PLXNA2: variants seen among roughly 807,000 people sequenced by gnomAD.
PLXNA2 encodes the protein plexin A2, also known as plexin-A2.
A neutral mutation model predicts 193.5 loss-of-function variants in PLXNA2; 91 were observed. That is an observed-to-expected ratio of 0.47 (90% CI 0.40 to 0.56). PLXNA2 has a LOEUF of 0.56. PLXNA2 is among the 20% of genes least tolerant of loss of function. The probability of loss-of-function intolerance (pLI) is 0.00; values close to 1 mark genes in which losing one functional copy is unlikely to be tolerated. For synonymous variants in PLXNA2, 997 were observed against 1,027.3 expected (o/e 0.97, Z 0.56); for missense variants, 1,995 against 2,503.2 (o/e 0.80, Z 4.33).
intron 3 of PLXNA2, chr1:208,209,983 A>AATTTTTTTTTTTTTT (rs34413554): frequency 0.032 from 2,812 of 87,404 alleles, 775 homozygotes; most frequent in South Asian, 0.038. Context: ...ATGAAGAGCA[A>AATTTTTTTTTTTTTT]TTTTTTTTTT....
intron 12 of PLXNA2, among the ~76,000 whole-genome samples, chr1:208,070,769 A>C (rs74152190): frequency 6.6e-6 from 1 of 152,240 alleles, no homozygotes; most frequent in Non-Finnish European, 1.5e-5. Flanking sequence ...CTTCTATTTC[A>C]TAACAGTTGC....
At chr1:208,059,915 G>A (rs969922419) in intron 13 of PLXNA2, among the ~76,000 whole-genome samples, 5 of 152,284 alleles carry the variant, frequency 3.3e-5, no homozygotes, top group Middle Eastern at 3.4e-3. Context: ...ATAAGGGAAG[G>A]AAGTCCCTGC....
At chr1:208,051,143 C>G in intron 16 of PLXNA2, 41 bp from the exon 17 acceptor site, 1 of 1,600,108 alleles carries the variant, frequency 6.2e-7, no homozygotes, top group East Asian at 2.2e-5. Flanking sequence ...AAAACCCCCT[C>G]AAATCTGGCA....
chr1:208,227,430 C>T (rs1671548064), intron 1 of PLXNA2, among the ~76,000 whole-genome samples: 1 of 152,058 alleles, frequency 6.6e-6, no homozygotes, highest in Non-Finnish European at 1.5e-5. Flanking sequence ...GCTAAGAAGC[C>T]AAGATTCTCG....
chr1:208,214,468 C>G (rs73079950), intron 2 of PLXNA2, among the ~76,000 whole-genome samples: 2,123 of 152,296 alleles, frequency 0.014, 54 homozygotes, highest in African/African-American at 0.049. Context: ...GCCTTAACCA[C>G]GACTCTTCTA....
chr1:208,033,560 C>A (rs1429180948), intron 27 of PLXNA2, 51 bp from the exon 28 acceptor site: 1 of 1,452,502 alleles, frequency 6.9e-7, no homozygotes, highest in East Asian at 2.4e-5. Flanking sequence ...ACCAGCCTTG[C>A]TTGTAGAATC....
At chr1:208,209,983 A>ATT (rs1553297870) in intron 3 of PLXNA2, 62 of 87,966 alleles carry the variant, frequency 7.0e-4, no homozygotes, top group African/African-American at 2.9e-3. Flanking sequence ...ATGAAGAGCA[A>ATT]TTTTTTTTTT....
At chr1:208,155,444 A>G (rs1159609897) in intron 3 of PLXNA2, among the ~76,000 whole-genome samples, 1 of 152,142 alleles carries the variant, frequency 6.6e-6, no homozygotes, top group African/African-American at 2.4e-5. Flanking sequence ...GTAAAGTACT[A>G]AAGCATCCCT....
chr1:208,242,757 G>C (rs532441256), intron 1 of PLXNA2, among the ~76,000 whole-genome samples: 1 of 152,078 alleles, frequency 6.6e-6, no homozygotes, highest in African/African-American at 2.4e-5. Context: ...GACTTTTTTC[G>C]GGGATCTAAA....
chr1:208,177,093 C>T (rs527499957), intron 3 of PLXNA2, among the ~76,000 whole-genome samples: 8 of 152,306 alleles, frequency 5.3e-5, no homozygotes, highest in Non-Finnish European at 1.2e-4. Context: ...TTCATTCTGC[C>T]TGCTTTAGGG....
At chr1:208,163,474 G>A (rs1388863160) in intron 3 of PLXNA2, among the ~76,000 whole-genome samples, 2 of 152,104 alleles carry the variant, frequency 1.3e-5, no homozygotes, top group African/African-American at 4.8e-5. Context: ...GAGAGAGGGA[G>A]CAGTATGGGA....
At chr1:208,099,562 C>T (rs1411505805) in intron 5 of PLXNA2, among the ~76,000 whole-genome samples, 1 of 151,994 alleles carries the variant, frequency 6.6e-6, no homozygotes, top group African/African-American at 2.4e-5. Flanking sequence ...CAGAATGACT[C>T]TGTTATTTTT....
intron 27 of PLXNA2, among the ~76,000 whole-genome samples, chr1:208,034,020 C>A (rs927844959): frequency 3.3e-5 from 5 of 152,198 alleles, no homozygotes; most frequent in Non-Finnish European, 7.3e-5. Flanking sequence ...TACATGAAAC[C>A]AGAGCAAATA....
At position 208,027,106 on chromosome 1, in the gene PLXNA2, C is replaced by T; in HGVS notation, c.*137G>A. The T allele has an allele frequency of 1.3e-6, 1 of 772,070 alleles. No homozygotes were observed. Among genetic ancestry groups the T allele is most frequent in the Non-Finnish European group, 2.1e-6 (1 of 470,462 alleles). The allele number at this position is 772,070 out of a possible 1,614,324, so 47.8% of individuals were successfully genotyped here. ...CTTGGCTGGCGTAGGGAGAGGAGTC[C>T]TCCCCTCTCCCCAGGATGGGGTCTC... is the stretch of plus-strand genomic sequence containing the variant. On this transcript the variant is annotated 3_prime_UTR_variant, in exon 32 of 32. Coordinates refer to ENST00000367033, the MANE Select transcript of PLXNA2 (RefSeq NM_025179.4).
intron 4 of PLXNA2, among the ~76,000 whole-genome samples, chr1:208,105,302 G>T (rs1667227437): frequency 6.6e-6 from 1 of 152,238 alleles, no homozygotes; most frequent in Non-Finnish European, 1.5e-5. Context: ...TGGGTGAAAA[G>T]CTCAGAAAAG....
At chr1:208,223,368 A>G (rs1190727231) in intron 1 of PLXNA2, among the ~76,000 whole-genome samples, 1 of 152,062 alleles carries the variant, frequency 6.6e-6, no homozygotes, top group African/African-American at 2.4e-5. Context: ...CGCTTCCTCC[A>G]TTGTAGGTGG....
intron 13 of PLXNA2, among the ~76,000 whole-genome samples, chr1:208,056,985 G>A (rs751013982): frequency 2.6e-5 from 4 of 152,088 alleles, no homozygotes; most frequent in Non-Finnish European, 5.9e-5. Flanking sequence ...GGGTGGAAAG[G>A]GCTTGAAAAT....
chr1:208,187,310 G>A (rs1670040049), intron 3 of PLXNA2, among the ~76,000 whole-genome samples: 1 of 152,110 alleles, frequency 6.6e-6, no homozygotes, highest in Non-Finnish European at 1.5e-5. Flanking sequence ...AAAAGTAATA[G>A]CTCCCAGACT....
rs755140743 is a variant in PLXNA2 at position 208,210,465 on chromosome 1, G to A, written c.1189-3C>T. 2 of 1,607,732 alleles carry A rather than the reference G, an allele frequency of 1.2e-6. No homozygotes were observed. Among genetic ancestry groups the A allele is most frequent in the Non-Finnish European group, 1.7e-6 (2 of 1,175,722 alleles). ...AAGTTATCATCGATGGGGACAGGCTGGAGGGAAGCGGAAGGAATTGGGGTG... is the reference window on the plus strand; with the variant it reads ...AAGTTATCATCGATGGGGACAGGCTAGAGGGAAGCGGAAGGAATTGGGGTG... On this transcript the variant is annotated splice_polypyrimidine_tract_variant and splice_region_variant and intron_variant, in intron 2 of 31. Coordinates refer to ENST00000367033, the MANE Select transcript of PLXNA2 (RefSeq NM_025179.4).
Sources: allele counts gnomAD v4.1 joint callset (sites outside exome capture counted in the v4.1 genomes callset), GRCh38; gene constraint gnomAD v4.1.1; transcripts MANE v1.5; gene names NCBI Gene and HGNC (gene_info 2026-07-23, HGNC 2026-07-21).